FAM184A: variants seen among roughly 807,000 people sequenced by gnomAD.
FAM184A encodes family with sequence similarity 184 member A, also known as protein FAM184A.
FAM184A carries 99 observed loss-of-function variants against 143.8 expected under a neutral mutation model. The ratio of observed to expected loss-of-function variants is 0.69; its 90% confidence interval spans 0.58 to 0.81. FAM184A has a LOEUF of 0.81. FAM184A is among the 40% of genes least tolerant of loss of function. The probability of loss-of-function intolerance (pLI) is 0.00; values close to 1 mark genes in which losing one functional copy is unlikely to be tolerated. For missense variants in FAM184A, 1,217 were observed against 1,310.5 expected (o/e 0.93, Z 1.10); for synonymous variants, 427 against 446.4 (o/e 0.96, Z 0.55).
intron 1 of FAM184A, among the ~76,000 whole-genome samples, chr6:119,089,147 T>G (rs1048535620): frequency 6.7e-6 from 1 of 148,830 alleles, no homozygotes; most frequent in Non-Finnish European, 1.5e-5. Flanking sequence ...GCCTCCCAAA[T>G]AGCTAACACC....
chr6:119,084,850 G>C (rs1788173145), intron 1 of FAM184A, among the ~76,000 whole-genome samples: 1 of 152,220 alleles, frequency 6.6e-6, no homozygotes, highest in African/African-American at 2.4e-5. Flanking sequence ...ATACCACCAA[G>C]GTTTATGGCT....
Position 118,979,406 on chromosome 6 carries a change from G to T in FAM184A, c.2414C>A (p.Thr805Asn), listed in dbSNP as rs1359747203. 6.2e-7 allele frequency: 1 copy of T among 1,613,776 alleles called. No homozygotes were observed. Among genetic ancestry groups the T allele is most frequent in the African/African-American group, 1.3e-5 (1 of 75,008 alleles). ...FRIEMEQELQ[T>N]LRFELEDEGK... ...TTCATCTTCTAATTCAAACCGAAGA[G>T]TCTGAAGTTCCTGTTCCATTTCTAT... Residue 805 changes from threonine (T) to asparagine (N), a missense_variant, in exon 11 of 18, where the codon ACT (threonine) becomes AAT (asparagine). Coordinates refer to ENST00000338891, the MANE Select transcript of FAM184A (RefSeq NM_024581.6).
chr6:118,981,039 T>TA (rs540331377), intron 9 of FAM184A, among the ~76,000 whole-genome samples: 216 of 152,350 alleles, frequency 1.4e-3, no homozygotes, highest in African/African-American at 5.1e-3. Context: ...CACAATCTTT[T>TA]ATTCAGCCAT....
chr6:119,080,873 G>T (rs1266548824), upstream of FAM184A, among the ~76,000 whole-genome samples: 8 of 152,176 alleles, frequency 5.3e-5, no homozygotes, highest in African/African-American at 1.9e-4. Flanking sequence ...AAAAGAGGTT[G>T]AATTGGCTCA....
intron 1 of FAM184A, among the ~76,000 whole-genome samples, chr6:119,049,461 A>G (rs1377543491): frequency 6.6e-6 from 1 of 151,900 alleles, no homozygotes. Flanking sequence ...AAAATAAAAT[A>G]AAAACAAAAC....
At chr6:119,003,445 A>C in intron 8 of FAM184A, 56 bp downstream of exon 8, 1 of 1,548,528 alleles carries the variant, frequency 6.5e-7, no homozygotes, top group Non-Finnish European at 8.8e-7. Flanking sequence ...GAGTCATACA[A>C]GAGAAAAACT....
At chr6:119,067,899 G>A (rs1787518009) in intron 1 of FAM184A, among the ~76,000 whole-genome samples, 1 of 152,114 alleles carries the variant, frequency 6.6e-6, no homozygotes, top group African/African-American at 2.4e-5. Context: ...TTGACCCCAG[G>A]AGTGTAAGGT....
At chr6:119,060,590 A>T (rs1239485803) in intron 1 of FAM184A, among the ~76,000 whole-genome samples, 1 of 152,214 alleles carries the variant, frequency 6.6e-6, no homozygotes, top group Non-Finnish European at 1.5e-5. Context: ...ATACCTTCTA[A>T]CATGGTTTAG....
At chr6:118,999,148 A>G (rs794266) in intron 9 of FAM184A, among the ~76,000 whole-genome samples, 87,056 of 151,928 alleles carry the variant, frequency 0.57, 25,315 homozygotes, top group East Asian at 0.76. Context: ...GCTGAGCAGT[A>G]AACAGTGAAC....
intron 1 of FAM184A, chr6:119,025,477 A>C: frequency 1.9e-6 from 1 of 518,786 alleles, no homozygotes; most frequent in Non-Finnish European, 3.8e-6. Flanking sequence ...TCTTTGGCTA[A>C]TTTTCTCTCT....
intron 9 of FAM184A, among the ~76,000 whole-genome samples, chr6:118,999,578 T>C (rs77213958): frequency 0.019 from 2,848 of 152,296 alleles, 101 homozygotes; most frequent in African/African-American, 0.066. Context: ...TGTTCATCCT[T>C]TGCCCTATTC....
chr6:119,117,148 G>A (rs1043218873), intron 1 of FAM184A, among the ~76,000 whole-genome samples: 2 of 152,238 alleles, frequency 1.3e-5, no homozygotes, highest in African/African-American at 4.8e-5. Context: ...AAGGCTAGGG[G>A]ATTGGGAGTG....
intron 7 of FAM184A, among the ~76,000 whole-genome samples, chr6:119,004,677 A>G (rs1009892683): frequency 6.6e-6 from 1 of 152,240 alleles, no homozygotes; most frequent in Non-Finnish European, 1.5e-5. Flanking sequence ...TAAGGAGCTT[A>G]CGCAGAGTTG....
intron 13 of FAM184A, 88 bp downstream of exon 13, chr6:118,974,936 T>C: frequency 9.5e-7 from 1 of 1,049,394 alleles, no homozygotes; most frequent in Middle Eastern, 2.6e-4. Context: ...GCCAGTCTAG[T>C]CACAAAATTA....
intron 9 of FAM184A, among the ~76,000 whole-genome samples, chr6:118,989,801 CATTTATTTATTT>C (rs149164113): frequency 9.6e-4 from 139 of 144,862 alleles, no homozygotes; most frequent in African/African-American, 1.6e-3. Context: ...AGTATTTTTA[CATTTATTTATTT>C]ATTTATTTAT....
chr6:119,136,840 C>A (rs1344708113), intron 1 of FAM184A, among the ~76,000 whole-genome samples: 1 of 152,180 alleles, frequency 6.6e-6, no homozygotes, highest in East Asian at 1.9e-4. Context: ...GACAGTTCCA[C>A]CAAGACGGCT....
At chr6:119,032,349 T>C (rs934439452) in intron 1 of FAM184A, among the ~76,000 whole-genome samples, 15 of 151,974 alleles carry the variant, frequency 9.9e-5, no homozygotes, top group African/African-American at 3.6e-4. Context: ...CTATAATGAA[T>C]GTATGTTCCT....
chr6:118,987,017 T>G (rs1784217426), intron 9 of FAM184A, among the ~76,000 whole-genome samples: 1 of 151,870 alleles, frequency 6.6e-6, no homozygotes, highest in South Asian at 2.1e-4. Flanking sequence ...AGACTGAATA[T>G]GAAAACTAGG....
intron 17 of FAM184A, chr6:118,960,852 T>A (rs748328614): frequency 2.9e-5 from 39 of 1,363,128 alleles, no homozygotes; most frequent in Middle Eastern, 4.2e-4. Flanking sequence ...TGCACATGCA[T>A]CTTACTGATA....
Sources: gnomAD v4.1 joint callset for allele counts (sites outside exome capture counted in the v4.1 genomes callset) on GRCh38, gnomAD v4.1.1 for gene constraint, MANE v1.5 for transcripts, NCBI Gene and HGNC (gene_info 2026-07-23, HGNC 2026-07-21) for gene names.